TBC1D4: variants seen among roughly 807,000 people sequenced by gnomAD.
TBC1D4 encodes TBC1 domain family member 4.
Under a neutral mutation model 142.5 loss-of-function variants are expected in TBC1D4, and 121 were observed. The ratio of observed to expected loss-of-function variants is 0.85; its 90% CI spans 0.73 to 0.99. The LOEUF (loss-of-function observed/expected upper bound fraction) is 0.99, where lower values mean the gene tolerates loss of function less well. TBC1D4 is among the 50% of genes least tolerant of loss of function. The pLI is 0.00. For synonymous variants in TBC1D4, 630 were observed against 628.2 expected, an observed-to-expected ratio of 1.00 and a Z score of -0.04; for missense variants, 1,475 against 1,606.6, an observed-to-expected ratio of 0.92 and a Z score of 1.40.
intron 1 of TBC1D4, among the ~76,000 whole-genome samples, chr13:75,460,791 C>G (rs1274402214): frequency 6.6e-6 from 1 of 151,998 alleles, no homozygotes; most frequent in Non-Finnish European, 1.5e-5. Context: ...GACATGGTGG[C>G]ACATGTCCAT....
intron 17 of TBC1D4, 55 bp downstream of exon 17, chr13:75,299,275 G>A: frequency 6.2e-7 from 1 of 1,611,054 alleles, no homozygotes; most frequent in South Asian, 1.1e-5. Flanking sequence ...TGAGAAGAGG[G>A]CCAGGATTTC....
At chr13:75,304,587 G>T (rs1237474853) in intron 15 of TBC1D4, among the ~76,000 whole-genome samples, 1 of 152,144 alleles carries the variant, frequency 6.6e-6, no homozygotes. Flanking sequence ...ACTGATTTTG[G>T]TCGGGGGGCA....
chr13:75,407,628 G>A (rs563896210), intron 1 of TBC1D4, among the ~76,000 whole-genome samples: 2 of 152,220 alleles, frequency 1.3e-5, no homozygotes, highest in African/African-American at 2.4e-5. Flanking sequence ...GGAAGCAGCC[G>A]GGTGACTGAC....
At chr13:75,427,361 T>C (rs1886420338) in intron 1 of TBC1D4, among the ~76,000 whole-genome samples, 1 of 152,196 alleles carries the variant, frequency 6.6e-6, no homozygotes, top group Non-Finnish European at 1.5e-5. Flanking sequence ...ATCTGCTGTA[T>C]ATATCAACAA....
Position 75,291,943 on chromosome 13 carries a change from A to C in TBC1D4, c.3486+159T>G, listed in dbSNP as rs115282782. Among the ~76,000 whole-genome samples, 1,021 of 152,352 alleles carry C rather than the reference A, an allele frequency of 6.7e-3. 15 individuals carry two copies. The highest frequency in any genetic ancestry group is 0.023 in the African/African-American group (966 of 41,588). On this transcript the variant is annotated intron_variant, in intron 19 of 20. Transcript: ENST00000377636. ...CATTTTTTGTGCATAGCCAGATAGA[A>C]AATGTCACAGTGTAGAAATTTCACA...
At chr13:75,404,821 T>C (rs1021962258) in intron 1 of TBC1D4, among the ~76,000 whole-genome samples, 2 of 152,152 alleles carry the variant, frequency 1.3e-5, no homozygotes, top group Non-Finnish European at 2.9e-5. Context: ...CAGTTAAAAA[T>C]TGAACAAGAG....
At chr13:75,463,553 T>G (rs1366947116) in intron 1 of TBC1D4, among the ~76,000 whole-genome samples, 5 of 152,234 alleles carry the variant, frequency 3.3e-5, no homozygotes, top group African/African-American at 7.2e-5. Context: ...GAAGTTCTTA[T>G]GTGCAATCAA....
intron 8 of TBC1D4, among the ~76,000 whole-genome samples, chr13:75,332,635 C>T (rs1879850219): frequency 6.6e-6 from 1 of 151,980 alleles, no homozygotes; most frequent in Non-Finnish European, 1.5e-5. Flanking sequence ...GGGGTGAGGA[C>T]CAGGATTTTA....
chr13:75,414,379 G>A (rs906714945), intron 1 of TBC1D4, among the ~76,000 whole-genome samples: 11 of 152,224 alleles, frequency 7.2e-5, no homozygotes, highest in Non-Finnish European at 1.5e-4. Flanking sequence ...TACAAAGTCA[G>A]ACTGAGAAGT....
intron 19 of TBC1D4, among the ~76,000 whole-genome samples, chr13:75,290,232 A>C (rs990748979): frequency 1.3e-5 from 2 of 152,134 alleles, no homozygotes; most frequent in Non-Finnish European, 2.9e-5. Flanking sequence ...TTCAAAGATT[A>C]TCTCTAGATG....
At chr13:75,419,483 C>T (rs956464307) in intron 1 of TBC1D4, among the ~76,000 whole-genome samples, 11 of 152,030 alleles carry the variant, frequency 7.2e-5, no homozygotes, top group African/African-American at 2.2e-4. Context: ...TATGTGAGTT[C>T]TGATGAGGCA....
At chr13:75,467,875 C>A (rs1188057900) in intron 1 of TBC1D4, among the ~76,000 whole-genome samples, 2 of 152,122 alleles carry the variant, frequency 1.3e-5, no homozygotes, top group East Asian at 3.8e-4. Flanking sequence ...CAAGAGCATG[C>A]TGTTTTCGCA....
Position 75,388,611 on chromosome 13 carries a change from G to A in TBC1D4, c.499-26004C>T, listed in dbSNP as rs566263805. 2.6e-5 allele frequency among the ~76,000 whole-genome samples: 4 copies of A among 152,314 alleles called. No homozygotes were observed. In the South Asian group the frequency reaches 8.3e-4, roughly 32 times the overall value. ...TGCATTGATACATGCTAAGATGCCA[G>A]TGGTTTCATCTACCATTGCTTTTGC... On this transcript the variant is annotated intron_variant, in intron 1 of 20. Coordinates refer to ENST00000377636, the MANE Select transcript of TBC1D4 (RefSeq NM_014832.5).
At chr13:75,297,824 C>T (rs1054109481) in intron 17 of TBC1D4, among the ~76,000 whole-genome samples, 1 of 150,692 alleles carries the variant, frequency 6.6e-6, no homozygotes, top group Non-Finnish European at 1.5e-5. Flanking sequence ...AAAAATAAAA[C>T]TTTCCACAGT....
chr13:75,357,311 A>G (rs1882131949), intron 3 of TBC1D4, among the ~76,000 whole-genome samples: 1 of 152,194 alleles, frequency 6.6e-6, no homozygotes, highest in African/African-American at 2.4e-5. Flanking sequence ...AGAGGCTGCA[A>G]TTCTTGAGGT....
intron 1 of TBC1D4, among the ~76,000 whole-genome samples, chr13:75,388,782 A>T (rs1884316811): frequency 6.6e-6 from 1 of 152,206 alleles, no homozygotes; most frequent in African/African-American, 2.4e-5. Context: ...ATGGTCCTCA[A>T]GTCTTCCACA....
intron 8 of TBC1D4, among the ~76,000 whole-genome samples, chr13:75,328,723 G>A (rs1414257979): frequency 6.6e-6 from 1 of 152,134 alleles, no homozygotes; most frequent in Non-Finnish European, 1.5e-5. Context: ...GTGACCCTGC[G>A]AAATTTTTTA....
At chr13:75,383,697 G>A (rs533423432) in intron 1 of TBC1D4, among the ~76,000 whole-genome samples, 1 of 150,464 alleles carries the variant, frequency 6.6e-6, no homozygotes, top group Non-Finnish European at 1.5e-5. Context: ...ATGTATGTAT[G>A]TACATATGTA....
intron 1 of TBC1D4, among the ~76,000 whole-genome samples, chr13:75,394,889 G>A (rs1421926696): frequency 6.6e-6 from 1 of 152,168 alleles, no homozygotes; most frequent in Non-Finnish European, 1.5e-5. Context: ...AACATTTATT[G>A]AGCAACTGCA....
Sources: gnomAD v4.1 joint callset for allele counts (sites outside exome capture counted in the v4.1 genomes callset) on GRCh38, gnomAD v4.1.1 for gene constraint, MANE v1.5 for transcripts, NCBI Gene and HGNC (gene_info 2026-07-23, HGNC 2026-07-21) for gene names.